The following ZNF98 variants were observed in gnomAD, a reference collection of about 807,000 sequenced individuals.
ZNF98 encodes the protein zinc finger protein 98, also known as zinc finger protein 739.
ZNF98 carries 8 observed loss-of-function variants against 12.8 expected under a neutral mutation model. The observed-to-expected ratio is 0.63, with a 90% CI of 0.37 to 1.13. The LOEUF is 1.13. Among genes scored for constraint, ZNF98 ranks in the 50% most tolerant of loss-of-function variants. The pLI, the probability that ZNF98 is intolerant of heterozygous loss-of-function variation, is 0.01. For missense variants in ZNF98, 379 were observed against 666.1 expected, an observed-to-expected ratio of 0.57 and a Z score of 4.74; for synonymous variants, 112 against 223.5, an observed-to-expected ratio of 0.50 and a Z score of 4.45.
intron 3 of ZNF98, among the ~76,000 whole-genome samples, chr19:22,393,947 G>A (rs1484185169): frequency 6.6e-6 from 1 of 151,074 alleles, no homozygotes; most frequent in Non-Finnish European, 1.5e-5. Context: ...CTGACAAAGG[G>A]CAAACATCCA....
chr19:22,418,557 G>C (rs8100087), intron 1 of ZNF98, among the ~76,000 whole-genome samples: 71,855 of 151,994 alleles, frequency 0.47, 17,401 homozygotes, highest in African/African-American at 0.56. Flanking sequence ...AACAAAGACT[G>C]TGCACATTTT....
chr19:22,416,467 T>TCAA (rs556329419), intron 1 of ZNF98, among the ~76,000 whole-genome samples: 7 of 148,750 alleles, frequency 4.7e-5, no homozygotes, highest in African/African-American at 1.5e-4. Context: ...AGACTCCGTC[T>TCAA]CAACAACAAC....
chr19:22,401,645 G>A (rs903699620), intron 3 of ZNF98, among the ~76,000 whole-genome samples: 8 of 151,486 alleles, frequency 5.3e-5, no homozygotes, highest in African/African-American at 1.9e-4. Context: ...CACCACGCCT[G>A]ACTAATTTTT....
chr19:22,407,797 G>A (rs190605587), intron 1 of ZNF98, among the ~76,000 whole-genome samples: 77 of 151,358 alleles, frequency 5.1e-4, no homozygotes, highest in African/African-American at 1.8e-3. Context: ...CAGGTCGGGC[G>A]CGGTAGCTCA....
intron 1 of ZNF98, among the ~76,000 whole-genome samples, chr19:22,417,184 G>A (rs1303351997): frequency 1.5e-5 from 2 of 132,142 alleles, no homozygotes; most frequent in African/African-American, 2.9e-5. Flanking sequence ...AGCCAAGATC[G>A]CGCCATCGCA....
chr19:22,416,546 C>T (rs1301731177), intron 1 of ZNF98, among the ~76,000 whole-genome samples: 4 of 151,546 alleles, frequency 2.6e-5, no homozygotes, highest in Admixed American at 6.6e-5. Context: ...GAGGCTGAGG[C>T]GGGTGGATCA....
chr19:22,412,908 C>A (rs1019424257), intron 1 of ZNF98, among the ~76,000 whole-genome samples: 1 of 151,850 alleles, frequency 6.6e-6, no homozygotes, highest in African/African-American at 2.4e-5. Flanking sequence ...AAAAAATTAG[C>A]CAGGCGTGGT....
At chr19:22,403,021 A>G in intron 2 of ZNF98, 137 bp from the exon 3 acceptor site, 1 of 646,634 alleles carries the variant, frequency 1.5e-6, no homozygotes, top group Non-Finnish European at 2.4e-6. Context: ...AAAATTTTAA[A>G]TATTTAGGAA....
chr19:22,408,907 A>C (rs984207988), intron 1 of ZNF98, among the ~76,000 whole-genome samples: 10 of 152,310 alleles, frequency 6.6e-5, no homozygotes, highest in South Asian at 2.1e-4. Context: ...AACTACCATT[A>C]ACATTCTTCA....
At chr19:22,397,935 T>C (rs1471874941) in intron 3 of ZNF98, among the ~76,000 whole-genome samples, 1 of 151,438 alleles carries the variant, frequency 6.6e-6, no homozygotes, top group Non-Finnish European at 1.5e-5. Flanking sequence ...AAAAGTAGAC[T>C]AATAAAATAG....
At chr19:22,393,630 A>G (rs1969357961) in intron 3 of ZNF98, among the ~76,000 whole-genome samples, 1 of 152,126 alleles carries the variant, frequency 6.6e-6, no homozygotes. Flanking sequence ...CTGGCTAGCC[A>G]TATGTAGAAA....
chr19:22,401,587 A>T (rs62118626), intron 3 of ZNF98, among the ~76,000 whole-genome samples: 51,268 of 150,920 alleles, frequency 0.34, 10,396 homozygotes, highest in Middle Eastern at 0.57. Flanking sequence ...AGGTTCAAGC[A>T]ATTCTTCCGC....
In ZNF98 at chr19:22,409,364, C is replaced by G. The variant is rs1599388566; in HGVS notation, c.31-5852G>C. On this transcript the variant is annotated intron_variant, in intron 1 of 3. Transcript: ENST00000357774. ...AGAAGAAAACCTAGGCAATACCACT[C>G]AGGACATAGGCATGGGCAAAGACTT... 2.0e-5 allele frequency among the ~76,000 whole-genome samples: 3 copies of G among 152,200 alleles called. 1 individual carries two copies. Among genetic ancestry groups the G allele is most frequent in the South Asian group, 4.2e-4 (2 of 4,814 alleles).
In ZNF98 at chr19:22,421,084, G is replaced by A. The variant is rs143357229; in HGVS notation, c.30+1111C>T. ...TGTTCCATATTCAAATACTGAGAAT[G>A]CCCAGTAACTTACTATAGCAGCTTA... On this transcript the variant is annotated intron_variant, in intron 1 of 3. Coordinates refer to ENST00000357774, the MANE Select transcript of ZNF98 (RefSeq NM_001098626.2). Among the ~76,000 whole-genome samples, 354 of 152,136 alleles carry A rather than the reference G, an allele frequency of 2.3e-3. 1 individual carries two copies. The highest frequency in any genetic ancestry group is 7.3e-3 in the African/African-American group (303 of 41,510).
chr19:22,396,638 A>G (rs1355874978), intron 3 of ZNF98, among the ~76,000 whole-genome samples: 1 of 152,174 alleles, frequency 6.6e-6, no homozygotes, highest in African/African-American at 2.4e-5. Flanking sequence ...AAGAGTCAGT[A>G]GAGATCTAAT....
chr19:22,395,865 C>A, intron 3 of ZNF98, among the ~76,000 whole-genome samples: 1 of 112,826 alleles, frequency 8.9e-6, no homozygotes, highest in Admixed American at 8.2e-5. Context: ...ACACAAAGTC[C>A]TGAGGGGGGG....
rs1969339315 is a variant in ZNF98 at position 22,392,438 on chromosome 19, T to C, written c.797A>G (p.Tyr266Cys). ...AGCTTTGCCACACTCCTCACATTTG[T>C]AGGGTTTCTTTCCAGTATGAATTAT... is the stretch of plus-strand genomic sequence containing the variant. Reference protein sequence around the residue: ...HKIIHTGKKPYKCEECGKAFN... With the variant: ...HKIIHTGKKPCKCEECGKAFN... The change falls in exon 4 of 4, where the codon TAC (tyrosine) becomes TGC (cysteine). Residue 266 changes from tyrosine (Y) to cysteine (C), a missense_variant. Transcript: ENST00000357774. 2 of 1,555,452 alleles carry C rather than the reference T, an allele frequency of 1.3e-6. No homozygotes were observed. Among genetic ancestry groups the C allele is most frequent in the East Asian group, 2.3e-5 (1 of 42,702 alleles).
intron 3 of ZNF98, among the ~76,000 whole-genome samples, chr19:22,402,123 C>G (rs1489558297): frequency 2.8e-5 from 4 of 142,828 alleles, no homozygotes; most frequent in African/African-American, 7.9e-5. Flanking sequence ...TTGCAGTTAG[C>G]CAAGATGATG....
chr19:22,413,645 C>G (rs1969604612), intron 1 of ZNF98, among the ~76,000 whole-genome samples: 1 of 151,494 alleles, frequency 6.6e-6, no homozygotes, highest in East Asian at 2.0e-4. Context: ...CCGAGACAGG[C>G]AGATCACCTG....
Sources: allele counts gnomAD v4.1 joint callset (sites outside exome capture counted in the v4.1 genomes callset), GRCh38; gene constraint gnomAD v4.1.1; transcripts MANE v1.5; gene names NCBI Gene and HGNC (gene_info 2026-07-23, HGNC 2026-07-21).